Variants in TCF12 observed in about 807,000 individuals in gnomAD.
The protein encoded by TCF12 is DNA-binding protein HTF4.
A neutral mutation model predicts 86.0 loss-of-function variants in TCF12; 45 were observed. The observed-to-expected ratio is 0.52, with a 90% CI of 0.41 to 0.67. TCF12 has a LOEUF of 0.67. TCF12 is among the 30% of genes least tolerant of loss of function. The pLI, the probability that TCF12 is intolerant of heterozygous loss-of-function variation, is 0.00. For synonymous variants in TCF12, 330 were observed against 299.6 expected (o/e 1.10, Z -1.05); for missense variants, 881 against 859.9 (o/e 1.02, Z -0.31).
intron 5 of TCF12, among the ~76,000 whole-genome samples, chr15:57,154,605 C>T (rs767645115): frequency 6.6e-6 from 1 of 152,082 alleles, no homozygotes; most frequent in Non-Finnish European, 1.5e-5. Context: ...ATCTTGCATA[C>T]TTTCTTTGGT....
rs112363392 is a variant in TCF12, at chr15:57,031,548, G to A, written c.149-32202G>A. Among the ~76,000 whole-genome samples, 12 of 152,136 alleles carry A rather than the reference G, an allele frequency of 7.9e-5. 1 individual carries two copies. The highest frequency in any genetic ancestry group is 2.9e-4 in the African/African-American group (12 of 41,506). Reference sequence around the variant, plus strand: ...AAGAGGATAATATTCTCCGGTTCTGGGTAATATGGAGTGAACACACAGCAC... The same window carrying A: ...AAGAGGATAATATTCTCCGGTTCTGAGTAATATGGAGTGAACACACAGCAC... On this transcript the variant is annotated intron_variant, in intron 3 of 20. Coordinates refer to ENST00000333725, the MANE Select transcript of TCF12 (RefSeq NM_207037.2).
intron 5 of TCF12, among the ~76,000 whole-genome samples, chr15:57,098,607 A>T (rs751380926): frequency 2.6e-5 from 4 of 152,238 alleles, no homozygotes; most frequent in Non-Finnish European, 4.4e-5. Context: ...TACGTGGCAG[A>T]ATGTCAGTGA....
intron 3 of TCF12, among the ~76,000 whole-genome samples, chr15:56,968,273 T>G (rs966765973): frequency 3.9e-5 from 6 of 152,164 alleles, no homozygotes; most frequent in East Asian, 1.9e-4. Context: ...GTAATTTTGA[T>G]TTTTGTTTTG....
chr15:57,013,622 A>G (rs1271153206), intron 3 of TCF12, among the ~76,000 whole-genome samples: 1 of 152,218 alleles, frequency 6.6e-6, no homozygotes, highest in Admixed American at 6.5e-5. Context: ...CCTCTGGCCC[A>G]GTTGAAGTGT....
chr15:57,168,881 A>G (rs1424684500), intron 6 of TCF12, among the ~76,000 whole-genome samples: 3 of 152,062 alleles, frequency 2.0e-5, no homozygotes, highest in East Asian at 3.9e-4. Context: ...CCCCATCTCT[A>G]CTAAGCATAC....
intron 8 of TCF12, among the ~76,000 whole-genome samples, chr15:57,204,284 A>G (rs77524121): frequency 3.3e-5 from 5 of 151,914 alleles, no homozygotes; most frequent in Non-Finnish European, 7.4e-5. Flanking sequence ...CACACACACA[A>G]AAAAATATTT....
chr15:57,212,617 T>C (rs2058159832), intron 8 of TCF12, among the ~76,000 whole-genome samples: 1 of 152,138 alleles, frequency 6.6e-6, no homozygotes, highest in Non-Finnish European at 1.5e-5. Flanking sequence ...TTTATCATAA[T>C]GGAATTTTAA....
At chr15:57,276,796 C>CA (rs1567037817) in intron 19 of TCF12, among the ~76,000 whole-genome samples, 3 of 134,440 alleles carry the variant, frequency 2.2e-5, no homozygotes. Context: ...TTTTTTTTTT[C>CA]TTTTTTTTTT....
At chr15:57,258,850 C>G (rs1197289029) in intron 16 of TCF12, among the ~76,000 whole-genome samples, 1 of 152,100 alleles carries the variant, frequency 6.6e-6, no homozygotes, top group Non-Finnish European at 1.5e-5. Context: ...TAAGTAAAGA[C>G]TGACAGGCAA....
At chr15:57,097,891 CACCCCTGTA>C (rs1451237941) in intron 5 of TCF12, among the ~76,000 whole-genome samples, 1 of 151,968 alleles carries the variant, frequency 6.6e-6, no homozygotes, top group Non-Finnish European at 1.5e-5. Flanking sequence ...CACAATGGCT[CACCCCTGTA>C]ATCCCAGCAC....
chr15:56,941,159 G>A (rs2060753332), intron 3 of TCF12, among the ~76,000 whole-genome samples: 1 of 151,662 alleles, frequency 6.6e-6, no homozygotes, highest in African/African-American at 2.4e-5. Flanking sequence ...GAGCCCAGGA[G>A]TTTGAAACCA....
chr15:57,191,236 G>C (rs2151705463), intron 6 of TCF12, among the ~76,000 whole-genome samples: 1 of 152,294 alleles, frequency 6.6e-6, no homozygotes, highest in South Asian at 2.1e-4. Flanking sequence ...GGCCAAGGTG[G>C]GAAGATTGCC....
chr15:57,126,556 GA>G (rs200304879), intron 5 of TCF12, among the ~76,000 whole-genome samples: 6,107 of 152,182 alleles, frequency 0.04, 369 homozygotes, highest in Admixed American at 0.17. Context: ...CTACATATTG[GA>G]AAAACCTCAG....
At chr15:56,978,245 A>C (rs1396903431) in intron 3 of TCF12, among the ~76,000 whole-genome samples, 1 of 152,206 alleles carries the variant, frequency 6.6e-6, no homozygotes, top group African/African-American at 2.4e-5. Context: ...CATGGATGAG[A>C]GAAGTTCAGA....
intron 3 of TCF12, among the ~76,000 whole-genome samples, chr15:56,943,732 CACTT>C (rs1305499309): frequency 6.6e-6 from 1 of 152,150 alleles, no homozygotes; most frequent in African/African-American, 2.4e-5. Context: ...CCAAATATCT[CACTT>C]ATTTAATATA....
chr15:57,210,654 A>G (rs1214221542), intron 8 of TCF12, among the ~76,000 whole-genome samples: 2 of 152,140 alleles, frequency 1.3e-5, no homozygotes, highest in Admixed American at 6.6e-5. Flanking sequence ...TCCCATTTTA[A>G]CAACAGTAAT....
At chr15:57,117,371 A>G (rs781755547) in intron 5 of TCF12, among the ~76,000 whole-genome samples, 2 of 152,186 alleles carry the variant, frequency 1.3e-5, no homozygotes, top group Non-Finnish European at 2.9e-5. Flanking sequence ...GAGGTAGGAA[A>G]AAAAGGATCT....
chr15:57,121,410 A>G (rs1039188350), intron 5 of TCF12, among the ~76,000 whole-genome samples: 14 of 152,234 alleles, frequency 9.2e-5, no homozygotes, highest in African/African-American at 3.1e-4. Context: ...ATTCATGTTG[A>G]AATTTAACCC....
rs559387932 is a variant in TCF12, at chr15:57,137,951, C to T, written c.326-28451C>T. ...CTGAGGCAGGAGAATCATTTGAACC[C>T]GGGAGGTAGAGGTTGCAGTGAGCCA... On this transcript the variant is annotated intron_variant, in intron 5 of 20. Transcript: ENST00000333725. Among the ~76,000 whole-genome samples the T allele has an allele frequency of 7.2e-5, 11 of 152,068 alleles. No individual in the cohort carries two copies. The South Asian group carries it at 1.5e-3, about 20-fold the overall frequency.
Sources: allele counts gnomAD v4.1 joint callset (sites outside exome capture counted in the v4.1 genomes callset), GRCh38; gene constraint gnomAD v4.1.1; transcripts MANE v1.5; gene names NCBI Gene and HGNC (gene_info 2026-07-23, HGNC 2026-07-21).